CDH12: variants seen among roughly 807,000 people sequenced by gnomAD.
CDH12 encodes cadherin 12.
Under a neutral mutation model 74.1 loss-of-function variants are expected in CDH12, and 41 were observed. The ratio of observed to expected loss-of-function variants is 0.55; its 90% CI spans 0.43 to 0.72. The LOEUF (loss-of-function observed/expected upper bound fraction) is 0.72. CDH12 is among the 30% of genes least tolerant of loss of function. The probability of loss-of-function intolerance (pLI) is 0.00; values close to 1 mark genes in which losing one functional copy is unlikely to be tolerated. For missense variants in CDH12, 945 were observed against 977.2 expected (o/e 0.97, Z 0.44); for synonymous variants, 399 against 355.0 (o/e 1.12, Z -1.39).
At chr5:22,662,183 T>G (rs909273487) in intron 1 of CDH12, among the ~76,000 whole-genome samples, 1 of 152,162 alleles carries the variant, frequency 6.6e-6, no homozygotes, top group Admixed American at 6.5e-5. Context: ...AATGAGATAT[T>G]ACCTTTTAAA....
At chr5:22,222,096 T>C (rs1361609747) in intron 3 of CDH12, among the ~76,000 whole-genome samples, 1 of 151,974 alleles carries the variant, frequency 6.6e-6, no homozygotes, top group Non-Finnish European at 1.5e-5. Context: ...ACTTAGTAAA[T>C]ATTAGCTGAG....
chr5:22,230,452 G>A (rs983632481), intron 3 of CDH12, among the ~76,000 whole-genome samples: 18 of 146,090 alleles, frequency 1.2e-4, no homozygotes, highest in Non-Finnish European at 2.4e-4. Context: ...GCAATTTATT[G>A]TCAAAAAAAG....
intron 4 of CDH12, among the ~76,000 whole-genome samples, chr5:22,122,114 T>TCATTTCTG (rs1482005422): frequency 6.6e-6 from 1 of 152,042 alleles, no homozygotes; most frequent in African/African-American, 2.4e-5. Flanking sequence ...ATATTAAAAC[T>TCATTTCTG]CATTTCTGCT....
chr5:21,838,103 G>C (rs868068702), intron 8 of CDH12, among the ~76,000 whole-genome samples: 13 of 152,166 alleles, frequency 8.5e-5, no homozygotes, highest in African/African-American at 2.9e-4. Context: ...CAGATTTTTT[G>C]TTAAGTCAGT....
At chr5:22,246,149 T>C (rs1423192494) in intron 3 of CDH12, among the ~76,000 whole-genome samples, 1 of 152,178 alleles carries the variant, frequency 6.6e-6, no homozygotes, top group East Asian at 1.9e-4. Flanking sequence ...GAATAAGCAT[T>C]ACATTTTTGA....
At chr5:22,675,655 G>A (rs1268217788) in intron 1 of CDH12, among the ~76,000 whole-genome samples, 1 of 151,684 alleles carries the variant, frequency 6.6e-6, no homozygotes. Context: ...GAGTTTCCCT[G>A]CACAAGCTCT....
At chr5:21,852,967 T>C (rs972484463) in intron 7 of CDH12, among the ~76,000 whole-genome samples, 1 of 151,536 alleles carries the variant, frequency 6.6e-6, no homozygotes, top group Non-Finnish European at 1.5e-5. Context: ...TGAAATATTT[T>C]AGATAATTTC....
chr5:22,400,887 T>A (rs1018524664), intron 3 of CDH12, among the ~76,000 whole-genome samples: 1 of 152,048 alleles, frequency 6.6e-6, no homozygotes, highest in African/African-American at 2.4e-5. Flanking sequence ...CATGTTGGAT[T>A]CCCCAACTTG....
At chr5:22,669,733 C>T (rs1740809023) in intron 1 of CDH12, among the ~76,000 whole-genome samples, 1 of 152,162 alleles carries the variant, frequency 6.6e-6, no homozygotes, top group African/African-American at 2.4e-5. Context: ...TAATGTGTAG[C>T]CCAGCACCAA....
chr5:22,187,874 G>A (rs1052097306), intron 4 of CDH12, among the ~76,000 whole-genome samples: 1 of 152,186 alleles, frequency 6.6e-6, no homozygotes, highest in Non-Finnish European at 1.5e-5. Context: ...AAATGAGAGA[G>A]GAGTTCTGCA....
chr5:21,823,305 C>T (rs1374356309), intron 8 of CDH12, among the ~76,000 whole-genome samples: 1 of 152,084 alleles, frequency 6.6e-6, no homozygotes, highest in Non-Finnish European at 1.5e-5. Context: ...ACATTCCAAA[C>T]AGAAGTAACC....
chr5:21,861,534 C>T (rs1488199435), intron 6 of CDH12, among the ~76,000 whole-genome samples: 2 of 152,066 alleles, frequency 1.3e-5, no homozygotes, highest in Non-Finnish European at 2.9e-5. Context: ...AGTGTAATTT[C>T]TTGAACCTTA....
intron 4 of CDH12, among the ~76,000 whole-genome samples, chr5:22,161,886 T>A (rs1199892357): frequency 6.6e-6 from 1 of 152,036 alleles, no homozygotes; most frequent in Admixed American, 6.6e-5. Context: ...CTTTATTACA[T>A]TTATTTGTAA....
In CDH12 at chr5:22,629,504, CA is replaced by C. The variant is rs563662423; in HGVS notation, c.-522-124141del. ...TTTATTACATAAACAGAACTAAAAA[CA>C]AAACCACACGATCATCTCAATAGAT... is the stretch of plus-strand genomic sequence containing the variant. On this transcript the variant is annotated intron_variant, in intron 1 of 14. Transcript: ENST00000382254. Among the ~76,000 whole-genome samples the C allele has an allele frequency of 3.9e-4, 60 of 152,104 alleles. No homozygotes were observed. The East Asian group carries it at 0.011, about 28-fold the overall frequency.
intron 1 of CDH12, among the ~76,000 whole-genome samples, chr5:22,705,069 G>C (rs763274333): frequency 3.5e-4 from 52 of 150,702 alleles, no homozygotes; most frequent in Non-Finnish European, 6.8e-4. Flanking sequence ...GCGTGTTTGT[G>C]GGGGGAGTGG....
At chr5:22,029,285 G>T (rs369459901) in intron 5 of CDH12, among the ~76,000 whole-genome samples, 6,495 of 151,784 alleles carry the variant, frequency 0.043, 489 homozygotes, top group African/African-American at 0.15. Flanking sequence ...ACTAAAGAGC[G>T]TCTGCACAGC....
chr5:21,900,284 G>A (rs144556409), intron 6 of CDH12, among the ~76,000 whole-genome samples: 1 of 152,172 alleles, frequency 6.6e-6, no homozygotes, highest in East Asian at 1.9e-4. Context: ...AGAAAGGAAG[G>A]AAGAAATGAA....
intron 1 of CDH12, among the ~76,000 whole-genome samples, chr5:22,649,823 C>A (rs1169317739): frequency 2.0e-5 from 3 of 151,840 alleles, no homozygotes; most frequent in African/African-American, 7.2e-5. Context: ...TATTAGAGAA[C>A]CTCAATTCTA....
Position 22,308,399 on chromosome 5 carries a change from T to A in CDH12, c.-332-95756A>T, listed in dbSNP as rs74562021. ...CTGCATTCCACTGCTAACAGAAGGA[T>A]GGCTCAATTATTTTGACCATGTATG... On this transcript the variant is annotated intron_variant, in intron 3 of 14. Transcript: ENST00000382254. 7.9e-3 allele frequency among the ~76,000 whole-genome samples: 1,201 copies of A among 152,300 alleles called. 18 individuals are homozygous for A. The highest frequency in any genetic ancestry group is 0.028 in the African/African-American group (1,146 of 41,562).
Sources: gnomAD v4.1 joint callset for allele counts (sites outside exome capture counted in the v4.1 genomes callset) on GRCh38, gnomAD v4.1.1 for gene constraint, MANE v1.5 for transcripts, NCBI Gene and HGNC (gene_info 2026-07-23, HGNC 2026-07-21) for gene names.